CUL1: variants seen among roughly 807,000 people sequenced by gnomAD.
The protein encoded by CUL1 is cullin 1.
In CUL1, 24 loss-of-function variants were observed where a neutral mutation model predicts 118.0. The observed-to-expected ratio is 0.20, with a 90% CI of 0.15 to 0.29. CUL1 has a LOEUF of 0.29. Ranked by LOEUF, CUL1 falls within the 10% of genes least tolerant of loss-of-function variation. CUL1 has a pLI of 1.00. For missense variants in CUL1, 361 were observed against 933.8 expected (o/e 0.39, Z 7.99); for synonymous variants, 332 against 340.4 (o/e 0.98, Z 0.27).
Position 148,717,418 on chromosome 7 carries a change from A to C in CUL1, c.-161-12544A>C, listed in dbSNP as rs140356047. Among the ~76,000 whole-genome samples, 667 of 152,260 alleles carry C rather than the reference A, an allele frequency of 4.4e-3. 6 individuals carry two copies. Among genetic ancestry groups the C allele is most frequent in the African/African-American group, 0.015 (638 of 41,538 alleles). ...CAGAAATAAATTGTTGGAAGTTCAA[A>C]AGTATAAATTTGAGCCTTTGTCATC... On this transcript the variant is annotated intron_variant, in intron 1 of 21. Transcript: ENST00000325222.
chr7:148,753,450 A>G (rs111338592), intron 2 of CUL1, among the ~76,000 whole-genome samples: 151 of 150,896 alleles, frequency 1.0e-3, no homozygotes, highest in African/African-American at 3.6e-3. Context: ...GTGTGTGGAC[A>G]CTGCTGCCGT....
intron 9 of CUL1, chr7:148,783,467 G>T (rs1800716489): frequency 8.2e-6 from 10 of 1,218,482 alleles, no homozygotes; most frequent in Non-Finnish European, 1.0e-5. Context: ...GGAGGAATTG[G>T]CAAAGCAGAA....
rs529936526 is a variant in CUL1 at position 148,754,331 on chromosome 7, A to G, written c.315+181A>G. Among the ~76,000 whole-genome samples, 16 of 152,286 alleles carry G rather than the reference A, an allele frequency of 1.1e-4. No homozygotes were observed. The South Asian group carries it at 3.3e-3, about 32-fold the overall frequency. ...TGTGAATATGAAATCACCATAAACT[A>G]TATTCTAGGGTTTTGTTTTTTCGAG... is the stretch of plus-strand genomic sequence containing the variant. On this transcript the variant is annotated intron_variant, in intron 3 of 21. Coordinates refer to ENST00000325222, the MANE Select transcript of CUL1 (RefSeq NM_003592.3).
At chr7:148,727,946 A>T (rs1798640473) in intron 1 of CUL1, among the ~76,000 whole-genome samples, 2 of 152,136 alleles carry the variant, frequency 1.3e-5, no homozygotes, top group South Asian at 4.1e-4. Flanking sequence ...AATTAGGATG[A>T]CACCGTCTTA....
intron 2 of CUL1, among the ~76,000 whole-genome samples, chr7:148,751,106 G>T (rs984641658): frequency 3.3e-5 from 5 of 152,096 alleles, no homozygotes; most frequent in African/African-American, 1.2e-4. Flanking sequence ...GCACTACAGG[G>T]TGCTGGATAG....
At chr7:148,776,799 A>G (rs1220373218) in intron 9 of CUL1, among the ~76,000 whole-genome samples, 1 of 152,196 alleles carries the variant, frequency 6.6e-6, no homozygotes, top group Non-Finnish European at 1.5e-5. Flanking sequence ...GCTCAAGGCC[A>G]ATTAGAGACC....
At chr7:148,733,279 A>G (rs1798824983) in intron 2 of CUL1, among the ~76,000 whole-genome samples, 2 of 152,240 alleles carry the variant, frequency 1.3e-5, no homozygotes, top group Non-Finnish European at 2.9e-5. Context: ...GTAGAAGTGA[A>G]ACAGTAGAGT....
At chr7:148,708,638 ATC>A (rs1397364017) in intron 1 of CUL1, among the ~76,000 whole-genome samples, 34 of 151,890 alleles carry the variant, frequency 2.2e-4, no homozygotes, top group Non-Finnish European at 1.0e-4. Flanking sequence ...CAACCATCCT[ATC>A]TCATCTTCAT....
chr7:148,789,772 G>T lies in CUL1; in HGVS notation c.1620G>T (p.Leu540=), dbSNP rs202173125. The change falls in exon 15 of 22, where the codon CTG becomes CTT. Residue 540 remains leucine, a synonymous_variant. Transcript: ENST00000325222. ...PLDLDFSIQV[L]SSGSWPFQQS... Reference sequence around the variant, plus strand: ...CAGTGGATTTCAGCATTCAAGTGCTGAGCTCCGGGTCCTGGCCCTTCCAGC... The same window carrying T: ...CAGTGGATTTCAGCATTCAAGTGCTTAGCTCCGGGTCCTGGCCCTTCCAGC... 3.1e-6 allele frequency: 5 copies of T among 1,614,148 alleles called. No homozygotes were observed. In the East Asian group the frequency reaches 1.1e-4, roughly 36 times the overall value.
chr7:148,717,437 T>C (rs1798249597), intron 1 of CUL1, among the ~76,000 whole-genome samples: 1 of 152,200 alleles, frequency 6.6e-6, no homozygotes, highest in Non-Finnish European at 1.5e-5. Context: ...TTTGAGCCTT[T>C]GTCATCCTGA....
At chr7:148,769,476 A>C (rs988344358) in intron 9 of CUL1, among the ~76,000 whole-genome samples, 11 of 149,302 alleles carry the variant, frequency 7.4e-5, no homozygotes, top group African/African-American at 2.7e-4. Flanking sequence ...GTGATTCAGA[A>C]GGGGTCAATT....
At chr7:148,795,915 C>T (rs1801183702) in intron 17 of CUL1, among the ~76,000 whole-genome samples, 2 of 151,988 alleles carry the variant, frequency 1.3e-5, no homozygotes, top group Admixed American at 1.3e-4. Flanking sequence ...ACTGTCATAT[C>T]ATCTATAAAT....
chr7:148,789,357 C>T lies in CUL1; in HGVS notation c.1598-393C>T, dbSNP rs182530244. Among the ~76,000 whole-genome samples, 1,015 of 152,124 alleles carry T rather than the reference C, an allele frequency of 6.7e-3. 5 individuals carry two copies. The highest frequency in any genetic ancestry group is 0.02 in the South Asian group (98 of 4,806). Reference sequence around the variant, plus strand: ...GAAACATACACTATAATGAAGTTAGCGGTTTTCTCCTGCTTGTGAGTTTGC... The same window carrying T: ...GAAACATACACTATAATGAAGTTAGTGGTTTTCTCCTGCTTGTGAGTTTGC... On this transcript the variant is annotated intron_variant, in intron 14 of 21. Transcript: ENST00000325222.
At chr7:148,790,246 T>G in intron 15 of CUL1, 64 bp from the exon 16 acceptor site, 1 of 1,572,080 alleles carries the variant, frequency 6.4e-7, no homozygotes, top group Non-Finnish European at 8.7e-7. Context: ...GGGCTTTACT[T>G]AGAAACGCTG....
chr7:148,716,189 CAA>C (rs992321376), intron 1 of CUL1, among the ~76,000 whole-genome samples: 71 of 152,132 alleles, frequency 4.7e-4, no homozygotes, highest in African/African-American at 1.7e-3. Context: ...TAAAAAATGT[CAA>C]AAGTGTAGCA....
chr7:148,764,594 C>T (rs1799944578), intron 7 of CUL1, among the ~76,000 whole-genome samples: 1 of 152,146 alleles, frequency 6.6e-6, no homozygotes, highest in Admixed American at 6.5e-5. Context: ...TGTTTTGCTG[C>T]CTGAGATGAT....
intron 1 of CUL1, among the ~76,000 whole-genome samples, chr7:148,703,028 G>A (rs983754053): frequency 5.3e-5 from 8 of 152,226 alleles, no homozygotes; most frequent in African/African-American, 1.7e-4. Flanking sequence ...AGTGGTGCAG[G>A]TAAGGGCTAG....
chr7:148,772,478 C>A (rs888492069), intron 9 of CUL1, among the ~76,000 whole-genome samples: 1 of 151,848 alleles, frequency 6.6e-6, no homozygotes, highest in Non-Finnish European at 1.5e-5. Context: ...AAACATTATC[C>A]CAAATTGAGG....
intron 16 of CUL1, 82 bp from the exon 17 acceptor site, chr7:148,792,644 C>A: frequency 1.1e-6 from 1 of 869,746 alleles, no homozygotes; most frequent in South Asian, 1.7e-5. Context: ...ATAAGTTCTT[C>A]AAACTTGGGC....
Sources: allele counts gnomAD v4.1 joint callset (sites outside exome capture counted in the v4.1 genomes callset), GRCh38; gene constraint gnomAD v4.1.1; transcripts MANE v1.5; gene names NCBI Gene and HGNC (gene_info 2026-07-23, HGNC 2026-07-21).